The following MARCHF3 variants were observed in gnomAD, a reference collection of about 807,000 sequenced individuals.
The protein encoded by MARCHF3 is E3 ubiquitin-protein ligase MARCHF3.
A neutral mutation model predicts 24.2 loss-of-function variants in MARCHF3; 13 were observed. The ratio of observed to expected loss-of-function variants is 0.54; its 90% CI spans 0.35 to 0.85. The LOEUF is 0.85. Among genes scored for constraint, MARCHF3 ranks in the 40% least tolerant of loss-of-function variants. The pLI is 0.01. For missense variants in MARCHF3, 276 were observed against 325.0 expected (o/e 0.85, Z 1.16); for synonymous variants, 144 against 137.3 (o/e 1.05, Z -0.34).
At chr5:126,921,377 G>C (rs1301881720) in intron 1 of MARCHF3, among the ~76,000 whole-genome samples, 1 of 152,172 alleles carries the variant, frequency 6.6e-6, no homozygotes, top group African/African-American at 2.4e-5. Flanking sequence ...TGATCTCAGT[G>C]AAAGGGAAGC....
chr5:126,890,965 T>C (rs1157871699), intron 3 of MARCHF3, among the ~76,000 whole-genome samples: 1 of 150,316 alleles, frequency 6.7e-6, no homozygotes, highest in Non-Finnish European at 1.5e-5. Context: ...TCCTGACTTT[T>C]TAATGATCGC....
At chr5:126,972,750 T>C (rs571680706) in intron 1 of MARCHF3, among the ~76,000 whole-genome samples, 2 of 152,294 alleles carry the variant, frequency 1.3e-5, no homozygotes, top group South Asian at 2.1e-4. Context: ...TTATTCTCAC[T>C]GGCCTCTTGT....
At chr5:127,016,436 AAAAGTGGGC>A (rs1416444035) in intron 1 of MARCHF3, among the ~76,000 whole-genome samples, 1 of 152,240 alleles carries the variant, frequency 6.6e-6, no homozygotes, top group Non-Finnish European at 1.5e-5. Context: ...AACCTCATCA[AAAAGTGGGC>A]AAAGGATATG....
intron 1 of MARCHF3, among the ~76,000 whole-genome samples, chr5:126,978,931 G>T (rs1751296502): frequency 6.6e-6 from 1 of 152,184 alleles, no homozygotes; most frequent in East Asian, 1.9e-4. Flanking sequence ...CTATCAATGG[G>T]AAGACTCCAC....
chr5:126,917,869 T>C, intron 2 of MARCHF3, 115 bp downstream of exon 2: 6 of 951,478 alleles, frequency 6.3e-6, no homozygotes, highest in South Asian at 2.2e-5. Context: ...TTCCAGCACC[T>C]CCTCTCACCT....
intron 4 of MARCHF3, among the ~76,000 whole-genome samples, chr5:126,874,018 ATAATGT>A (rs2126764961): frequency 6.6e-6 from 1 of 152,380 alleles, no homozygotes; most frequent in South Asian, 2.1e-4. Flanking sequence ...TGCTCCAACA[ATAATGT>A]TAGGAATTTC....
At chr5:127,007,250 A>C (rs1752337328) in intron 1 of MARCHF3, among the ~76,000 whole-genome samples, 1 of 152,022 alleles carries the variant, frequency 6.6e-6, no homozygotes, top group Non-Finnish European at 1.5e-5. Context: ...TTCATTTTAC[A>C]TAGATGTTAT....
At chr5:126,959,461 G>A (rs1290136031) in intron 1 of MARCHF3, among the ~76,000 whole-genome samples, 1 of 152,140 alleles carries the variant, frequency 6.6e-6, no homozygotes, top group Non-Finnish European at 1.5e-5. Context: ...GTCCAAGGAG[G>A]CAATGAAAAC....
intron 3 of MARCHF3, among the ~76,000 whole-genome samples, chr5:126,896,656 G>A (rs769402145): frequency 2.6e-5 from 4 of 152,022 alleles, no homozygotes; most frequent in African/African-American, 7.3e-5. Flanking sequence ...ATCTACTGTC[G>A]TGGAACCCAC....
chr5:126,953,532 C>T (rs1316044422), intron 1 of MARCHF3, among the ~76,000 whole-genome samples: 3 of 151,994 alleles, frequency 2.0e-5, no homozygotes, highest in African/African-American at 4.8e-5. Context: ...CTCAATGGTA[C>T]GTAAGTTCTA....
At chr5:127,007,212 C>T (rs1398752941) in intron 1 of MARCHF3, among the ~76,000 whole-genome samples, 1 of 151,882 alleles carries the variant, frequency 6.6e-6, no homozygotes, top group Non-Finnish European at 1.5e-5. Context: ...TCTATAATTC[C>T]TTCCACAGCA....
chr5:126,994,476 T>C (rs1209964089), intron 1 of MARCHF3, among the ~76,000 whole-genome samples: 1 of 152,176 alleles, frequency 6.6e-6, no homozygotes, highest in Non-Finnish European at 1.5e-5. Flanking sequence ...TGTATAGTAG[T>C]GTATGCTAAA....
chr5:126,875,740 G>C (rs753098600), intron 4 of MARCHF3, among the ~76,000 whole-genome samples: 2 of 152,212 alleles, frequency 1.3e-5, no homozygotes, highest in African/African-American at 4.8e-5. Flanking sequence ...CAGGGGGAGG[G>C]TGGAAGCTGG....
intron 1 of MARCHF3, among the ~76,000 whole-genome samples, chr5:126,984,089 G>C (rs545929877): frequency 6.6e-6 from 1 of 152,120 alleles, no homozygotes; most frequent in African/African-American, 2.4e-5. Context: ...CAATTTTAGG[G>C]GGTTGTGGGA....
Position 126,992,766 on chromosome 5 carries a change from A to ATTTTTTT in MARCHF3, c.-57+37577_-57+37583dup, listed in dbSNP as rs757479478. 8.0e-4 allele frequency among the ~76,000 whole-genome samples: 76 copies of ATTTTTTT among 95,502 alleles called. 1 individual carries two copies. Among genetic ancestry groups the ATTTTTTT allele is most frequent in the East Asian group, 3.3e-3 (10 of 3,066 alleles). The allele number at this position is 95,502 out of a possible 152,430, so 62.7% of individuals were successfully genotyped here. On this transcript the variant is annotated intron_variant, in intron 1 of 4. Coordinates refer to ENST00000308660, the MANE Select transcript of MARCHF3 (RefSeq NM_178450.5). Reference sequence around the variant, plus strand: ...TCTTCCTCTTTTTGACATCCACGTGATTTTTTTTTTTTTTTTTTTTTTTGA... The same window carrying ATTTTTTT: ...TCTTCCTCTTTTTGACATCCACGTGATTTTTTTTTTTTTTTTTTTTTTTTTTTTTTGA...
intron 1 of MARCHF3, among the ~76,000 whole-genome samples, chr5:127,008,734 G>A (rs530146529): frequency 8.5e-5 from 13 of 152,258 alleles, no homozygotes; most frequent in African/African-American, 3.1e-4. Flanking sequence ...CAGGAGCTGA[G>A]GAAGTCCAGT....
intron 1 of MARCHF3, among the ~76,000 whole-genome samples, chr5:126,927,961 G>A (rs1192855328): frequency 6.6e-6 from 1 of 152,100 alleles, no homozygotes; most frequent in Non-Finnish European, 1.5e-5. Context: ...ACCCTTACAC[G>A]TTTTCATCTG....
chr5:126,921,593 GTC>G lies in MARCHF3; in HGVS notation c.-56-3368_-56-3367del, dbSNP rs1165658547. 6.6e-5 allele frequency among the ~76,000 whole-genome samples: 10 copies of G among 152,338 alleles called. No individual in the cohort carries two copies. The East Asian group carries it at 1.9e-3, about 29-fold the overall frequency. ...GCTGTTGGTTTGCAGTCGAGCATGG[GTC>G]TTCTATTGAGCTTTCTGCAAAATTT... On this transcript the variant is annotated intron_variant, in intron 1 of 4. Transcript: ENST00000308660.
At chr5:126,914,552 T>C (rs900801850) in intron 3 of MARCHF3, 1 of 308,710 alleles carries the variant, frequency 3.2e-6, no homozygotes, top group Admixed American at 4.3e-5. Flanking sequence ...AATGCCCATT[T>C]ATCTCCTGCT....
Sources: allele counts gnomAD v4.1 joint callset (sites outside exome capture counted in the v4.1 genomes callset), GRCh38; gene constraint gnomAD v4.1.1; transcripts MANE v1.5; gene names NCBI Gene and HGNC (gene_info 2026-07-23, HGNC 2026-07-21).